Variants in HDAC9 observed in about 807,000 individuals in gnomAD.
HDAC9 encodes histone deacetylase 9, also known as MEF-2 interacting transcription repressor (MITR) protein.
A neutral mutation model predicts 139.4 loss-of-function variants in HDAC9; 41 were observed. The observed-to-expected ratio is 0.29, with a 90% confidence interval of 0.23 to 0.38. The LOEUF (loss-of-function observed/expected upper bound fraction) is 0.38, where lower values mean the gene tolerates loss of function less well. Among genes scored for constraint, HDAC9 ranks in the 10% least tolerant of loss-of-function variants. The probability of loss-of-function intolerance (pLI) is 1.00; values close to 1 mark genes in which losing one functional copy is unlikely to be tolerated. For synonymous variants in HDAC9, 517 were observed against 476.2 expected, an observed-to-expected ratio of 1.09 and a Z score of -1.12; for missense variants, 1,147 against 1,297.0, an observed-to-expected ratio of 0.88 and a Z score of 1.78.
At chr7:18,795,257 TAAAAAAAA>T (rs5882676) in intron 17 of HDAC9, among the ~76,000 whole-genome samples, 9 of 65,482 alleles carry the variant, frequency 1.4e-4, no homozygotes, top group Admixed American at 7.5e-4. Context: ...AAGAAAACAG[TAAAAAAAA>T]AAAAAAAAAA....
chr7:18,840,198 TA>T (rs771252235), intron 21 of HDAC9, among the ~76,000 whole-genome samples: 1 of 152,094 alleles, frequency 6.6e-6, no homozygotes, highest in Non-Finnish European at 1.5e-5. Context: ...TACTGAGGAC[TA>T]GCTAAAGAAA....
chr7:18,099,108 AC>A (rs1379730977), intron 1 of HDAC9, among the ~76,000 whole-genome samples: 2 of 152,284 alleles, frequency 1.3e-5, no homozygotes, highest in East Asian at 3.9e-4. Flanking sequence ...AAAGTTACCT[AC>A]ATTAAAATAA....
intron 21 of HDAC9, among the ~76,000 whole-genome samples, chr7:18,864,899 G>GT (rs1711641591): frequency 6.6e-6 from 1 of 152,036 alleles, no homozygotes; most frequent in African/African-American, 2.4e-5. Context: ...ACTTAAAATG[G>GT]TTAAAGTAGT....
intron 12 of HDAC9, among the ~76,000 whole-genome samples, chr7:18,710,118 GAACTGCGCTATATAA>G (rs1784236594): frequency 6.6e-6 from 1 of 152,166 alleles, no homozygotes; most frequent in Non-Finnish European, 1.5e-5. Flanking sequence ...ATGTGCAGGG[GAACTGCGCTATATAA>G]AACCATCAGA....
At chr7:18,931,809 T>C (rs539375662) in intron 22 of HDAC9, among the ~76,000 whole-genome samples, 6 of 152,248 alleles carry the variant, frequency 3.9e-5, no homozygotes, top group Admixed American at 2.6e-4. Flanking sequence ...ACTATGACAA[T>C]TAAAAGATCA....
At chr7:18,862,074 T>C (rs1184790175) in intron 21 of HDAC9, among the ~76,000 whole-genome samples, 1 of 152,168 alleles carries the variant, frequency 6.6e-6, no homozygotes, top group Admixed American at 6.5e-5. Context: ...CCCCAAAATA[T>C]AGCTTATACA....
At chr7:18,455,522 T>A (rs1793264333) in intron 1 of HDAC9, among the ~76,000 whole-genome samples, 1 of 152,214 alleles carries the variant, frequency 6.6e-6, no homozygotes, top group Non-Finnish European at 1.5e-5. Flanking sequence ...ACAGTGAGAA[T>A]CTGCCAGCCA....
chr7:18,410,050 C>G (rs1430552534), intron 1 of HDAC9, among the ~76,000 whole-genome samples: 1 of 151,690 alleles, frequency 6.6e-6, no homozygotes, highest in Non-Finnish European at 1.5e-5. Context: ...GTCTGTTTCT[C>G]TTAGTATCAT....
chr7:18,170,001 T>A (rs1788299389), intron 2 of HDAC9, among the ~76,000 whole-genome samples: 1 of 152,242 alleles, frequency 6.6e-6, no homozygotes, highest in African/African-American at 2.4e-5. Context: ...GGTCAAATGG[T>A]ACTTCTAGTT....
intron 25 of HDAC9, among the ~76,000 whole-genome samples, chr7:18,985,769 G>A (rs1433230228): frequency 2.1e-5 from 3 of 141,478 alleles, no homozygotes; most frequent in South Asian, 4.5e-4. Context: ...ATTCTAACTG[G>A]TGTGAGATGG....
intron 21 of HDAC9, among the ~76,000 whole-genome samples, chr7:18,844,929 C>G (rs1258777618): frequency 6.6e-6 from 1 of 152,114 alleles, no homozygotes; most frequent in East Asian, 1.9e-4. Flanking sequence ...AAAATGAAAA[C>G]AGCACTGTAG....
At chr7:18,202,495 A>G (rs141873712) in intron 2 of HDAC9, among the ~76,000 whole-genome samples, 2 of 152,240 alleles carry the variant, frequency 1.3e-5, no homozygotes, top group East Asian at 1.9e-4. Flanking sequence ...TGATACTCAT[A>G]CTTTCTCCTT....
chr7:18,928,528 A>G (rs1027449156), intron 22 of HDAC9, among the ~76,000 whole-genome samples: 1 of 152,212 alleles, frequency 6.6e-6, no homozygotes, highest in African/African-American at 2.4e-5. Flanking sequence ...CACTTTGATT[A>G]TACACTAGGC....
chr7:18,257,610 T>C (rs1361370828), intron 2 of HDAC9, among the ~76,000 whole-genome samples: 1 of 152,122 alleles, frequency 6.6e-6, no homozygotes. Context: ...TGGCACTGTC[T>C]GTAGTATAAA....
At chr7:18,088,230 G>A (rs1781920706) in intron 1 of HDAC9, among the ~76,000 whole-genome samples, 1 of 152,140 alleles carries the variant, frequency 6.6e-6, no homozygotes, top group Non-Finnish European at 1.5e-5. Flanking sequence ...TAAAATATGG[G>A]AAAGGGGTAA....
intron 1 of HDAC9, among the ~76,000 whole-genome samples, chr7:18,420,165 G>C (rs915546529): frequency 6.6e-6 from 1 of 152,186 alleles, no homozygotes; most frequent in African/African-American, 2.4e-5. Flanking sequence ...CTTCCTAAAT[G>C]TAGTTTTCCT....
intron 2 of HDAC9, among the ~76,000 whole-genome samples, chr7:18,179,375 G>A (rs1670108245): frequency 1.3e-5 from 2 of 152,180 alleles, no homozygotes; most frequent in African/African-American, 4.8e-5. Context: ...AAACTACAAG[G>A]TAAAGCTGAG....
chr7:18,335,447 C>T (rs1361382314), intron 1 of HDAC9, among the ~76,000 whole-genome samples: 2 of 151,440 alleles, frequency 1.3e-5, no homozygotes, highest in East Asian at 3.9e-4. Context: ...TCATCAGGCC[C>T]ACAATGGTCT....
intron 24 of HDAC9, among the ~76,000 whole-genome samples, chr7:18,962,524 C>T (rs1369995272): frequency 1.3e-5 from 2 of 152,080 alleles, no homozygotes; most frequent in African/African-American, 4.8e-5. Context: ...ATTTTTTATT[C>T]CAACTGCGTC....
Sources: allele counts gnomAD v4.1 joint callset (sites outside exome capture counted in the v4.1 genomes callset), GRCh38; gene constraint gnomAD v4.1.1; transcripts MANE v1.5; gene names NCBI Gene and HGNC (gene_info 2026-07-23, HGNC 2026-07-21).